SCP2: variants seen among roughly 807,000 people sequenced by gnomAD.
SCP2 encodes the protein SCP-2/3-oxoacyl-CoA thiolase.
SCP2 carries 48 observed loss-of-function variants against 71.4 expected under a neutral mutation model. The observed-to-expected ratio is 0.67, with a 90% CI of 0.53 to 0.86. The LOEUF is 0.86. Ranked by LOEUF, SCP2 falls within the 40% of genes least tolerant of loss-of-function variation. SCP2 has a pLI of 0.00. For synonymous variants in SCP2, 220 were observed against 218.1 expected, an observed-to-expected ratio of 1.01 and a Z score of -0.08; for missense variants, 560 against 655.6, an observed-to-expected ratio of 0.85 and a Z score of 1.59.
At chr1:53,020,360 A>G (rs1394284981) in intron 12 of SCP2, among the ~76,000 whole-genome samples, 1 of 152,208 alleles carries the variant, frequency 6.6e-6, no homozygotes, top group East Asian at 1.9e-4. Context: ...GTAGTTGCTC[A>G]ATAAACTTTT....
chr1:52,966,563 G>T (rs1656976238), intron 6 of SCP2, among the ~76,000 whole-genome samples: 6 of 151,502 alleles, frequency 4.0e-5, no homozygotes, highest in Admixed American at 3.9e-4. Context: ...ATATTTTATT[G>T]TTATCAAGTT....
chr1:53,023,931 T>C (rs1412987814), intron 12 of SCP2, among the ~76,000 whole-genome samples: 1 of 152,170 alleles, frequency 6.6e-6, no homozygotes, highest in Non-Finnish European at 1.5e-5. Flanking sequence ...CCAAACTTCC[T>C]CAACTTCCAT....
intron 5 of SCP2, among the ~76,000 whole-genome samples, chr1:52,955,649 G>T (rs1292864383): frequency 6.6e-6 from 1 of 152,154 alleles, no homozygotes; most frequent in East Asian, 1.9e-4. Context: ...CTCAAACCAT[G>T]AATTGAATCT....
intron 2 of SCP2, among the ~76,000 whole-genome samples, chr1:52,942,775 C>G (rs1053647530): frequency 6.9e-6 from 1 of 145,526 alleles, no homozygotes; most frequent in African/African-American, 2.6e-5. Flanking sequence ...TCTCAGTTCA[C>G]TGCAACCTCG....
chr1:52,974,329 T>G (rs995299819), intron 6 of SCP2, among the ~76,000 whole-genome samples: 1 of 152,170 alleles, frequency 6.6e-6, no homozygotes, highest in African/African-American at 2.4e-5. Flanking sequence ...TTCTAAAAAC[T>G]TTTCTGTTTT....
chr1:52,976,555 T>C, intron 7 of SCP2, 128 bp from the exon 8 acceptor site: 1 of 679,288 alleles, frequency 1.5e-6, no homozygotes, highest in Admixed American at 2.3e-5. Context: ...ATGACATTTA[T>C]GGCTATTCAT....
At chr1:52,936,517 C>G (rs1653757187) in intron 1 of SCP2, among the ~76,000 whole-genome samples, 2 of 152,134 alleles carry the variant, frequency 1.3e-5, no homozygotes, top group Non-Finnish European at 2.9e-5. Flanking sequence ...ATACAGAGAA[C>G]AGAAGTACAC....
chr1:52,943,484 A>C (rs61769097), intron 2 of SCP2: 89 of 189,684 alleles, frequency 4.7e-4, no homozygotes, highest in Non-Finnish European at 8.3e-4. Flanking sequence ...GGCCTCCCAA[A>C]GTGCTGGGAT....
At chr1:53,000,296 A>G (rs1470276481) in intron 11 of SCP2, among the ~76,000 whole-genome samples, 1 of 150,634 alleles carries the variant, frequency 6.6e-6, no homozygotes, top group African/African-American at 2.4e-5. Flanking sequence ...ATTTGGCTTT[A>G]GTTTATTCTT....
intron 13 of SCP2, among the ~76,000 whole-genome samples, chr1:53,034,098 T>C (rs920205527): frequency 6.6e-5 from 10 of 152,224 alleles, no homozygotes; most frequent in African/African-American, 2.4e-4. Flanking sequence ...ACCCCATCTC[T>C]ACTAAAAACA....
At chr1:52,955,233 G>A (rs1655689717) in intron 5 of SCP2, among the ~76,000 whole-genome samples, 1 of 152,226 alleles carries the variant, frequency 6.6e-6, no homozygotes, top group Non-Finnish European at 1.5e-5. Context: ...TAGCAAGAGA[G>A]AGGAACTGCA....
intron 10 of SCP2, among the ~76,000 whole-genome samples, chr1:52,985,080 T>C (rs889703299): frequency 2.6e-5 from 4 of 151,994 alleles, no homozygotes; most frequent in Admixed American, 2.6e-4. Flanking sequence ...TGACCTCAGG[T>C]GATCCACCCA....
chr1:52,995,709 A>G (rs2150201104), intron 11 of SCP2: 2 of 755,618 alleles, frequency 2.6e-6, no homozygotes, highest in Non-Finnish European at 4.9e-6. Flanking sequence ...AACAGCAGCT[A>G]CTTTGTGGAG....
At position 52,929,103 on chromosome 1, in the gene SCP2, T is replaced by C. The variant is rs554471685; in HGVS notation, c.69+1638T>C. On this transcript the variant is annotated intron_variant, in intron 1 of 15. Coordinates refer to ENST00000371514, the MANE Select transcript of SCP2 (RefSeq NM_002979.5). Reference sequence around the variant, plus strand: ...TAGTGCCATTAATGATGTGCCTATCTGGCCAGTGTACTTTGCTATAGGTCT... The same window carrying C: ...TAGTGCCATTAATGATGTGCCTATCCGGCCAGTGTACTTTGCTATAGGTCT... 2.1e-4 allele frequency among the ~76,000 whole-genome samples: 32 copies of C among 152,126 alleles called. 1 individual carries two copies. In the South Asian group the frequency reaches 6.6e-3, roughly 32 times the overall value.
chr1:52,958,974 C>G (rs7536047), intron 5 of SCP2, among the ~76,000 whole-genome samples: 4,015 of 152,254 alleles, frequency 0.026, 182 homozygotes, highest in African/African-American at 0.091. Context: ...ATCTGCCCAC[C>G]TTGGCTTCCC....
intron 3 of SCP2, 24 bp downstream of exon 3, chr1:52,948,104 A>G: frequency 6.5e-7 from 1 of 1,526,834 alleles, no homozygotes; most frequent in Non-Finnish European, 9.1e-7. Context: ...TGTGTATTCT[A>G]AAATTTTTTT....
rs768088053 is a variant in SCP2 at position 52,950,982 on chromosome 1, T to TA, written c.331+102dup. ...GAATTATTTTATAATGTATTTGTTTTAAAAAAGTCTTCATCAGGCCGGGTG... is the reference window on the plus strand; with the variant it reads ...GAATTATTTTATAATGTATTTGTTTTAAAAAAAGTCTTCATCAGGCCGGGTG... On this transcript the variant is annotated intron_variant, in intron 4 of 15. Coordinates refer to ENST00000371514, the MANE Select transcript of SCP2 (RefSeq NM_002979.5). 1.8e-5 allele frequency: 25 copies of TA among 1,422,378 alleles called. No homozygotes were observed. The South Asian group carries it at 2.1e-4, about 12-fold the overall frequency. 88.1% of individuals were successfully genotyped at this position (1,422,378 alleles called of 1,614,324 possible). A position where few individuals can be genotyped will look rare whatever the true frequency, so the allele number is the denominator to read the frequency against.
chr1:52,941,046 GCC>G (rs1654190126), intron 1 of SCP2, among the ~76,000 whole-genome samples: 1 of 152,280 alleles, frequency 6.6e-6, no homozygotes, highest in Non-Finnish European at 1.5e-5. Context: ...ACCACACCCA[GCC>G]ATCCTTAACA....
At chr1:53,031,589 A>G (rs1372173747) in intron 13 of SCP2, among the ~76,000 whole-genome samples, 4 of 152,192 alleles carry the variant, frequency 2.6e-5, no homozygotes, top group Admixed American at 2.0e-4. Flanking sequence ...GCCTACTCAG[A>G]AAGAAGTACT....
Sources: allele counts gnomAD v4.1 joint callset (sites outside exome capture counted in the v4.1 genomes callset), GRCh38; gene constraint gnomAD v4.1.1; transcripts MANE v1.5; gene names NCBI Gene and HGNC (gene_info 2026-07-23, HGNC 2026-07-21).